SLC36A1: variants seen among roughly 807,000 people sequenced by gnomAD.
SLC36A1 encodes the protein proton-coupled amino acid transporter 1.
SLC36A1 carries 30 observed loss-of-function variants against 47.5 expected under a neutral mutation model. The ratio of observed to expected loss-of-function variants is 0.63; its 90% CI spans 0.47 to 0.86. SLC36A1 has a LOEUF of 0.86. Among genes scored for constraint, SLC36A1 ranks in the 40% least tolerant of loss-of-function variants. The pLI is 0.00. For synonymous variants in SLC36A1, 255 were observed against 249.7 expected, an observed-to-expected ratio of 1.02 and a Z score of -0.20; for missense variants, 517 against 606.0, an observed-to-expected ratio of 0.85 and a Z score of 1.54.
chr5:151,351,853 G>A, the SLC36A1 span, among the ~76,000 whole-genome samples: 1 of 152,012 alleles, frequency 6.6e-6, no homozygotes, highest in Non-Finnish European at 1.5e-5. Flanking sequence ...CCTCACAATA[G>A]CAAATGATGA....
downstream of SLC36A1, among the ~76,000 whole-genome samples, chr5:151,496,496 A>G (rs1379788402): frequency 6.6e-6 from 1 of 152,222 alleles, no homozygotes; most frequent in Admixed American, 6.5e-5. Context: ...GCAACAATGT[A>G]TGAGTGATCT....
At chr5:151,507,612 C>T in the SLC36A1 span, 2 of 1,512,024 alleles carry the variant, frequency 1.3e-6, no homozygotes, top group Admixed American at 2.0e-5. Flanking sequence ...CATTTCACAC[C>T]TGCGGAGACA....
Position 151,464,520 on chromosome 5 carries a change from C to G in SLC36A1, c.241C>G (p.Pro81Ala), listed in dbSNP as rs1205764923. 3 of 1,613,716 alleles carry G rather than the reference C, an allele frequency of 1.9e-6. No individual in the cohort carries two copies. In the Admixed American group the frequency reaches 5.0e-5, roughly 27 times the overall value. Residue 81 changes from proline (P) to alanine (A), a missense_variant, in exon 4 of 11, where the codon CCC becomes GCC. Pro to Ala is a conservative substitution (Grantham distance 27, BLOSUM62 -1). Coordinates refer to ENST00000243389, the MANE Select transcript of SLC36A1 (RefSeq NM_078483.4). ...AVKNAGIVMGPISLLIIGIVA... is the reference protein window; with the variant it reads ...AVKNAGIVMGAISLLIIGIVA... ...CTGCAATATCTGTCCCCAGATGGGT[C>G]CCATCAGCCTGCTGATCATAGGCAT...
At chr5:151,537,220 A>AGGG in the SLC36A1 span, among the ~76,000 whole-genome samples, 1 of 150,894 alleles carries the variant, frequency 6.6e-6, no homozygotes, top group Admixed American at 6.6e-5. Context: ...AGGAAGAAGA[A>AGGG]GAGGAGGAGG....
downstream of SLC36A1, among the ~76,000 whole-genome samples, chr5:151,496,801 C>G (rs898024048): frequency 2.0e-5 from 3 of 152,212 alleles, no homozygotes; most frequent in Non-Finnish European, 2.9e-5. Context: ...GTGATCCTTC[C>G]TGACACTATT....
intron 8 of SLC36A1, among the ~76,000 whole-genome samples, chr5:151,474,588 A>G (rs1757792840): frequency 6.6e-6 from 1 of 152,214 alleles, no homozygotes; most frequent in South Asian, 2.1e-4. Flanking sequence ...TTTTATTAAT[A>G]ATGTTATTTT....
chr5:151,517,890 A>T, the SLC36A1 span: 123 of 1,208,684 alleles, frequency 1.0e-4, no homozygotes, highest in Non-Finnish European at 1.4e-4. Context: ...ATACATGAAG[A>T]AACTAGGCTG....
intron 8 of SLC36A1, 100 bp from the exon 9 acceptor site, chr5:151,476,490 G>A: frequency 1.1e-6 from 1 of 917,294 alleles, no homozygotes; most frequent in South Asian, 2.0e-5. Context: ...GAGAATTCTG[G>A]GGATAAAAGA....
the SLC36A1 span, chr5:151,554,749 A>G: frequency 8.9e-7 from 1 of 1,126,890 alleles, no homozygotes; most frequent in East Asian, 2.4e-5. Context: ...ACCTGGAAAT[A>G]GTAGTCACTT....
At chr5:151,495,034 T>G (rs1581245925), downstream of SLC36A1, among the ~76,000 whole-genome samples, 1 of 152,340 alleles carries the variant, frequency 6.6e-6, no homozygotes, top group Non-Finnish European at 1.5e-5. Flanking sequence ...AATGATGAGG[T>G]TGTATGGGAA....
chr5:151,386,554 C>A, the SLC36A1 span, among the ~76,000 whole-genome samples: 1 of 151,952 alleles, frequency 6.6e-6, no homozygotes, highest in African/African-American at 2.4e-5. Flanking sequence ...TGGTGTAGAA[C>A]CCATTTTTGC....
At chr5:151,527,233 C>G in the SLC36A1 span, 1 of 1,604,962 alleles carries the variant, frequency 6.2e-7, no homozygotes, top group Non-Finnish European at 8.5e-7. Flanking sequence ...CTCAAGCTTA[C>G]CTGGACAGTG....
At chr5:151,552,733 T>A in the SLC36A1 span, among the ~76,000 whole-genome samples, 1 of 152,172 alleles carries the variant, frequency 6.6e-6, no homozygotes, top group Non-Finnish European at 1.5e-5. Context: ...CCTCGTAGAA[T>A]GAGAATGGGC....
chr5:151,525,081 T>G, the SLC36A1 span, among the ~76,000 whole-genome samples: 1 of 152,350 alleles, frequency 6.6e-6, no homozygotes, highest in South Asian at 2.1e-4. Flanking sequence ...TGGCCTCGCA[T>G]GTAGTAGATG....
chr5:151,533,437 C>T, the SLC36A1 span, among the ~76,000 whole-genome samples: 2 of 150,502 alleles, frequency 1.3e-5, no homozygotes, highest in African/African-American at 4.9e-5. Context: ...CACACACACA[C>T]GCTTTCCAGG....
chr5:151,441,264 T>C (rs1290002834), intron 1 of SLC36A1, among the ~76,000 whole-genome samples: 3 of 152,088 alleles, frequency 2.0e-5, no homozygotes, highest in Non-Finnish European at 2.9e-5. Context: ...CACTCCAATA[T>C]GGGCAACATA....
At chr5:151,424,686 AAAT>A in the SLC36A1 span, among the ~76,000 whole-genome samples, 65 of 152,202 alleles carry the variant, frequency 4.3e-4, no homozygotes, top group Middle Eastern at 3.4e-3. Flanking sequence ...AATCATTAAT[AAAT>A]AATAATAATA....
the SLC36A1 span, among the ~76,000 whole-genome samples, chr5:151,549,885 G>C: frequency 6.6e-6 from 1 of 152,188 alleles, no homozygotes; most frequent in African/African-American, 2.4e-5. Context: ...CAGTCAAACA[G>C]TTTTCTTTGT....
chr5:151,531,747 C>G, the SLC36A1 span: 123 of 1,613,610 alleles, frequency 7.6e-5, 1 homozygote, highest in South Asian at 1.3e-3. The surrounding 1 kb of genome is among the most constrained non-coding windows in gnomAD (Gnocchi z 5.7). Flanking sequence ...TGTTCAGGAA[C>G]ACGGGCAGGT....
Sources: allele counts gnomAD v4.1 joint callset (sites outside exome capture counted in the v4.1 genomes callset), GRCh38; gene constraint gnomAD v4.1.1; non-coding constraint Gnocchi (gnomAD v3.1); transcripts MANE v1.5; gene names NCBI Gene and HGNC (gene_info 2026-07-23, HGNC 2026-07-21).